ZCWPW2: variants seen among roughly 807,000 people sequenced by gnomAD.
ZCWPW2 encodes zinc finger CW-type and PWWP domain containing 2.
ZCWPW2 carries 45 observed loss-of-function variants against 46.6 expected under a neutral mutation model. That is an observed-to-expected ratio of 0.96 (90% CI 0.76 to 1.24). The LOEUF is 1.24. ZCWPW2 is among the 50% of genes most tolerant of loss of function. The pLI is 0.00. For synonymous variants in ZCWPW2, 152 were observed against 137.1 expected, an observed-to-expected ratio of 1.11 and a Z score of -0.76; for missense variants, 429 against 403.9, an observed-to-expected ratio of 1.06 and a Z score of -0.53.
chr3:28,357,777 T>A (rs149611991), intron 1 of ZCWPW2, among the ~76,000 whole-genome samples: 1,673 of 147,486 alleles, frequency 0.011, 37 homozygotes, highest in African/African-American at 0.039. Flanking sequence ...TATATACATA[T>A]AATATATAGT....
At chr3:28,392,774 TATC>T (rs1695547291) in intron 2 of ZCWPW2, among the ~76,000 whole-genome samples, 1 of 151,760 alleles carries the variant, frequency 6.6e-6, no homozygotes, top group South Asian at 2.1e-4. Context: ...AAGAAAAAGA[TATC>T]ATACCAAAAC....
intron 1 of ZCWPW2, among the ~76,000 whole-genome samples, chr3:28,361,449 G>T (rs1232191092): frequency 6.6e-6 from 1 of 152,000 alleles, no homozygotes; most frequent in Non-Finnish European, 1.5e-5. Context: ...GAAAATGTAG[G>T]GGAAGAGCTT....
chr3:28,442,807 G>C (rs1575140568), intron 4 of ZCWPW2, among the ~76,000 whole-genome samples: 1 of 152,238 alleles, frequency 6.6e-6, no homozygotes, highest in Non-Finnish European at 1.5e-5. Context: ...TGGGAGAGTT[G>C]AACAGGGATG....
chr3:28,369,956 C>A (rs1442706640), intron 1 of ZCWPW2, among the ~76,000 whole-genome samples: 2 of 152,198 alleles, frequency 1.3e-5, no homozygotes, highest in Non-Finnish European at 2.9e-5. Context: ...CCCTCCGAGC[C>A]AGGCACAGGA....
intron 2 of ZCWPW2, among the ~76,000 whole-genome samples, chr3:28,401,188 C>A (rs1012539742): frequency 5.3e-5 from 8 of 150,358 alleles, no homozygotes; most frequent in South Asian, 2.1e-4. Flanking sequence ...AAAAAAAAAA[C>A]AAACAAAAAA....
rs1228790390 is a variant in ZCWPW2, at chr3:28,524,512, A to G, written c.910-15A>G. The G allele has an allele frequency of 8.7e-6, 14 of 1,600,296 alleles. No individual in the cohort carries two copies. Among genetic ancestry groups the G allele is most frequent in the Non-Finnish European group, 1.2e-5 (14 of 1,175,748 alleles). On this transcript the variant is annotated splice_polypyrimidine_tract_variant and intron_variant, in intron 9 of 9. Transcript: ENST00000383768. ...ATTTGACATAGTTCCGATTAATTAT[A>G]TGGTTGTTTTGCAGTTATCTAAATG... is the stretch of plus-strand genomic sequence containing the variant.
In ZCWPW2 at chr3:28,486,869, G is replaced by GA. The variant is rs1275901336; in HGVS notation, c.611-5246dup. 5.8e-3 allele frequency among the ~76,000 whole-genome samples: 782 copies of GA among 135,116 alleles called. 4 individuals are homozygous for GA. The highest frequency in any genetic ancestry group is 0.017 in the African/African-American group (617 of 37,074). 88.6% of individuals were successfully genotyped at this position (135,116 alleles called of 152,430 possible). A position where few individuals can be genotyped will look rare whatever the true frequency, so the allele number is the denominator to read the frequency against. ...TACAGAGTGAGACCCTATTTCAAAA[G>GA]AAAAAAAAAAAAGGTAATTTCAGAG... On this transcript the variant is annotated intron_variant, in intron 5 of 9. Coordinates refer to ENST00000383768, the MANE Select transcript of ZCWPW2 (RefSeq NM_001040432.4).
intron 2 of ZCWPW2, among the ~76,000 whole-genome samples, chr3:28,391,036 G>C (rs1379478286): frequency 6.6e-6 from 1 of 152,172 alleles, no homozygotes; most frequent in East Asian, 1.9e-4. Context: ...AGGTGATGAA[G>C]TGTCCTGGAT....
chr3:28,507,423 C>A (rs954280278), intron 6 of ZCWPW2, among the ~76,000 whole-genome samples: 17 of 151,572 alleles, frequency 1.1e-4, no homozygotes, highest in African/African-American at 4.1e-4. Flanking sequence ...TACTTAATAA[C>A]AATATAGAAA....
intron 4 of ZCWPW2, among the ~76,000 whole-genome samples, chr3:28,442,577 T>C (rs1697808466): frequency 6.6e-6 from 1 of 152,252 alleles, no homozygotes; most frequent in African/African-American, 2.4e-5. Context: ...TTACTGGCCT[T>C]GCCAGCTGAA....
chr3:28,500,412 T>C (rs1559531063), intron 6 of ZCWPW2, among the ~76,000 whole-genome samples: 1 of 152,116 alleles, frequency 6.6e-6, no homozygotes, highest in Non-Finnish European at 1.5e-5. Flanking sequence ...CTATCCCAGA[T>C]ATTATTACCA....
At chr3:28,462,714 A>G (rs1249523955) in intron 4 of ZCWPW2, among the ~76,000 whole-genome samples, 1 of 152,266 alleles carries the variant, frequency 6.6e-6, no homozygotes, top group Non-Finnish European at 1.5e-5. Context: ...GTCTTAAAAT[A>G]GGAAACAACA....
chr3:28,395,674 G>A (rs1396069805), intron 2 of ZCWPW2, among the ~76,000 whole-genome samples: 1 of 152,060 alleles, frequency 6.6e-6, no homozygotes, highest in East Asian at 1.9e-4. Context: ...AATACTGTAC[G>A]ATCCAATTAT....
intron 3 of ZCWPW2, chr3:28,428,268 C>T (rs977054415): frequency 2.6e-5 from 4 of 152,192 alleles, no homozygotes; most frequent in African/African-American, 4.8e-5. Context: ...GTTCTTTTAA[C>T]GTATTAGGCT....
chr3:28,475,187 C>A (rs1298909488), intron 4 of ZCWPW2, among the ~76,000 whole-genome samples: 1 of 151,972 alleles, frequency 6.6e-6, no homozygotes, highest in African/African-American at 2.4e-5. Flanking sequence ...TTGACAGACT[C>A]TTCATCTCAG....
chr3:28,380,243 C>A (rs1023840819), intron 1 of ZCWPW2, among the ~76,000 whole-genome samples: 5 of 152,064 alleles, frequency 3.3e-5, no homozygotes, highest in Admixed American at 3.3e-4. Flanking sequence ...CTTGGCCTCC[C>A]AAAGTGCTGG....
chr3:28,379,759 A>T (rs983847530), intron 1 of ZCWPW2, among the ~76,000 whole-genome samples: 1 of 151,140 alleles, frequency 6.6e-6, no homozygotes, highest in East Asian at 1.9e-4. Flanking sequence ...GTTGTTAAAT[A>T]AAAAAAAATG....
At chr3:28,497,317 A>G (rs912942854) in intron 6 of ZCWPW2, among the ~76,000 whole-genome samples, 1 of 151,642 alleles carries the variant, frequency 6.6e-6, no homozygotes, top group Non-Finnish European at 1.5e-5. Context: ...CTTATTATAT[A>G]TGTTACTCTA....
At chr3:28,395,236 G>A (rs1575085394) in intron 2 of ZCWPW2, among the ~76,000 whole-genome samples, 1 of 152,038 alleles carries the variant, frequency 6.6e-6, no homozygotes, top group Non-Finnish European at 1.5e-5. Context: ...TGCAAGGGTG[G>A]CTATTATCAA....
Sources: allele counts gnomAD v4.1 joint callset (sites outside exome capture counted in the v4.1 genomes callset), GRCh38; gene constraint gnomAD v4.1.1; transcripts MANE v1.5; gene names NCBI Gene and HGNC (gene_info 2026-07-23, HGNC 2026-07-21).